Variants in GALNT13 observed in about 807,000 individuals in gnomAD.
GALNT13 encodes the protein polypeptide N-acetylgalactosaminyltransferase 13, also known as UDP-GalNAc:polypeptide N-acetylgalactosaminyltransferase 13.
GALNT13 carries 28 observed loss-of-function variants against 64.2 expected under a neutral mutation model. The ratio of observed to expected loss-of-function variants is 0.44; its 90% CI spans 0.32 to 0.60. The LOEUF is 0.60. Ranked by LOEUF, GALNT13 falls within the 20% of genes least tolerant of loss-of-function variation. The probability of loss-of-function intolerance (pLI) is 0.05; values close to 1 mark genes in which losing one functional copy is unlikely to be tolerated. For synonymous variants in GALNT13, 214 were observed against 224.6 expected, an observed-to-expected ratio of 0.95 and a Z score of 0.42; for missense variants, 577 against 669.8, an observed-to-expected ratio of 0.86 and a Z score of 1.53.
intron 11 of GALNT13, among the ~76,000 whole-genome samples, chr2:154,419,634 A>G (rs374965080): frequency 1.3e-5 from 2 of 152,172 alleles, no homozygotes; most frequent in African/African-American, 2.4e-5. Flanking sequence ...CTTTCTAGCT[A>G]TGAGCACAAA....
chr2:153,301,328 A>AAAAAAAAAAAAAAAAGAAAAAAAG, the GALNT13 span, among the ~76,000 whole-genome samples: 1 of 150,742 alleles, frequency 6.6e-6, no homozygotes. Context: ...AGAAAAAAAA[A>AAAAAAAAAAAAAAAAGAAAAAAAG]AAGAGTCTGC....
the GALNT13 span, among the ~76,000 whole-genome samples, chr2:153,537,792 G>T: frequency 2.0e-5 from 3 of 152,166 alleles, no homozygotes; most frequent in African/African-American, 2.4e-5. Flanking sequence ...GCCATGTGAA[G>T]AAGACATGTT....
At chr2:154,354,275 T>C (rs1696587444) in intron 9 of GALNT13, among the ~76,000 whole-genome samples, 1 of 152,166 alleles carries the variant, frequency 6.6e-6, no homozygotes, top group Non-Finnish European at 1.5e-5. Flanking sequence ...GTTGTGAGGG[T>C]TTTAAATTTT....
intron 3 of GALNT13, among the ~76,000 whole-genome samples, chr2:153,972,386 A>G (rs1441142715): frequency 6.6e-6 from 1 of 152,130 alleles, no homozygotes; most frequent in African/African-American, 2.4e-5. Context: ...CTGGTTCAAG[A>G]TGCTACCACA....
chr2:153,499,045 A>T, the GALNT13 span, among the ~76,000 whole-genome samples: 1 of 151,978 alleles, frequency 6.6e-6, no homozygotes, highest in Non-Finnish European at 1.5e-5. Flanking sequence ...GACGGGTTTC[A>T]CCGTGCCAGC....
intron 8 of GALNT13, among the ~76,000 whole-genome samples, chr2:154,296,814 A>G (rs1263796090): frequency 6.6e-6 from 1 of 152,086 alleles, no homozygotes; most frequent in Non-Finnish European, 1.5e-5. Flanking sequence ...ATACATGTGC[A>G]GAATGTGTAG....
At chr2:154,111,693 G>A (rs964725227) in intron 3 of GALNT13, among the ~76,000 whole-genome samples, 5 of 152,138 alleles carry the variant, frequency 3.3e-5, no homozygotes, top group South Asian at 2.1e-4. Flanking sequence ...TTCCTGGACC[G>A]ATGAATCCTG....
chr2:153,719,694 G>A, the GALNT13 span, among the ~76,000 whole-genome samples: 1 of 152,050 alleles, frequency 6.6e-6, no homozygotes, highest in Admixed American at 6.5e-5. Context: ...CAAAGAAAGG[G>A]GTGACGGACG....
the GALNT13 span, among the ~76,000 whole-genome samples, chr2:153,627,964 T>C: frequency 1.3e-5 from 2 of 152,186 alleles, no homozygotes; most frequent in African/African-American, 4.8e-5. Flanking sequence ...TTCACGATAT[T>C]GATTCTTCCC....
chr2:153,752,296 T>C, the GALNT13 span, among the ~76,000 whole-genome samples: 4 of 151,968 alleles, frequency 2.6e-5, no homozygotes, highest in African/African-American at 9.7e-5. Context: ...AATTTCTGTG[T>C]TTTTTTGTGT....
intron 9 of GALNT13, among the ~76,000 whole-genome samples, chr2:154,355,207 C>G (rs945178591): frequency 6.6e-6 from 1 of 152,012 alleles, no homozygotes; most frequent in African/African-American, 2.4e-5. Flanking sequence ...CATACCTGAC[C>G]AAGTACTTTT....
At chr2:153,316,075 C>G in the GALNT13 span, among the ~76,000 whole-genome samples, 68,590 of 151,002 alleles carry the variant, frequency 0.45, 16,133 homozygotes, top group Non-Finnish European at 0.53. Context: ...ATACAAATGA[C>G]ATATCCCACG....
chr2:153,112,839 G>A, the GALNT13 span, among the ~76,000 whole-genome samples: 1 of 151,998 alleles, frequency 6.6e-6, no homozygotes, highest in African/African-American at 2.4e-5. Context: ...TTATATGTTT[G>A]TGACTGTGGT....
intron 3 of GALNT13, among the ~76,000 whole-genome samples, chr2:153,964,069 T>C (rs1011024987): frequency 6.4e-4 from 98 of 152,152 alleles, no homozygotes; most frequent in Non-Finnish European, 5.3e-4. Context: ...AAAGTTCCTT[T>C]TTTTTCCCCC....
At chr2:153,847,561 A>C in the GALNT13 span, among the ~76,000 whole-genome samples, 1 of 152,182 alleles carries the variant, frequency 6.6e-6, no homozygotes, top group Non-Finnish European at 1.5e-5. Flanking sequence ...AATCAATTGC[A>C]AAGAGACAAC....
the GALNT13 span, among the ~76,000 whole-genome samples, chr2:153,608,674 A>T: frequency 7.0e-6 from 1 of 142,458 alleles, no homozygotes; most frequent in Non-Finnish European, 1.5e-5. Context: ...ATATATAAAT[A>T]TATGTCTCAT....
intron 9 of GALNT13, among the ~76,000 whole-genome samples, chr2:154,301,983 A>G (rs1693466182): frequency 1.3e-5 from 2 of 152,250 alleles, no homozygotes; most frequent in African/African-American, 4.8e-5. Context: ...TCTGAAGAAC[A>G]TAGTAAATTA....
At chr2:153,717,237 G>T in the GALNT13 span, among the ~76,000 whole-genome samples, 1 of 152,190 alleles carries the variant, frequency 6.6e-6, no homozygotes, top group African/African-American at 2.4e-5. Flanking sequence ...GTTCCTAATT[G>T]CTAGCAGTGT....
intron 4 of GALNT13, among the ~76,000 whole-genome samples, chr2:154,231,914 A>G (rs946626073): frequency 1.3e-5 from 2 of 151,920 alleles, no homozygotes; most frequent in South Asian, 2.1e-4. Flanking sequence ...ATAAATTTAC[A>G]TATATGTTAT....
Sources: allele counts gnomAD v4.1 joint callset (sites outside exome capture counted in the v4.1 genomes callset), GRCh38; gene constraint gnomAD v4.1.1; transcripts MANE v1.5; gene names NCBI Gene and HGNC (gene_info 2026-07-23, HGNC 2026-07-21).